Variants in MCIDAS observed in about 807,000 individuals in gnomAD.
MCIDAS encodes the protein multiciliate differentiation and DNA synthesis associated cell cycle protein.
MCIDAS carries 23 observed loss-of-function variants against 35.4 expected under a neutral mutation model. The observed-to-expected ratio is 0.65, with a 90% CI of 0.47 to 0.92. MCIDAS has a LOEUF of 0.92. Ranked by LOEUF, MCIDAS falls within the 40% of genes least tolerant of loss-of-function variation. The pLI is 0.00. For missense variants in MCIDAS, 480 were observed against 531.8 expected (o/e 0.90, Z 0.96); for synonymous variants, 228 against 235.2 (o/e 0.97, Z 0.28).
chr5:55,221,798 G>A (rs1038546338), intron 5 of MCIDAS, among the ~76,000 whole-genome samples: 2 of 151,926 alleles, frequency 1.3e-5, no homozygotes, highest in African/African-American at 4.8e-5. Flanking sequence ...GGTGGCATGC[G>A]CTTGTAATCC....
At position 55,220,458 on chromosome 5, in the gene MCIDAS, T is replaced by C. The variant is rs1745330362; in HGVS notation, c.1066A>G (p.Ser356Gly). 1 of 1,536,072 alleles carries C rather than the reference T, an allele frequency of 6.5e-7. No homozygotes were observed. Among genetic ancestry groups the C allele is most frequent in the Non-Finnish European group, 8.7e-7 (1 of 1,146,902 alleles). The change falls in exon 7 of 7, where the codon AGC becomes GGC. Residue 356 changes from serine (S) to glycine (G), a missense_variant. By Grantham distance (56) the Ser-to-Gly change is moderately conservative. Transcript: ENST00000513312. ...GSFSTRIRSHSTIRTLAFPQG... is the reference protein window; with the variant it reads ...GSFSTRIRSHGTIRTLAFPQG... Reference sequence around the variant, plus strand: ...GGGAAGGCGAGGGTGCGGATGGTGCTGTGGCTGCGGATGCGGGTGCTGAAG... The same window carrying C: ...GGGAAGGCGAGGGTGCGGATGGTGCCGTGGCTGCGGATGCGGGTGCTGAAG...
In MCIDAS at chr5:55,223,376, G is replaced by C. The variant is rs773254217; in HGVS notation, c.310-353C>G. Among the ~76,000 whole-genome samples, 1 of 152,216 alleles carries C rather than the reference G, an allele frequency of 6.6e-6. No individual in the cohort carries two copies. The highest frequency in any genetic ancestry group is 2.4e-5 in the African/African-American group (1 of 41,452). Reference sequence around the variant, plus strand: ...GGAGCACGACACTGACTGGGGGAAGGGGGCAGCAGTTCGCGGCTCCTGCAG... The same window carrying C: ...GGAGCACGACACTGACTGGGGGAAGCGGGCAGCAGTTCGCGGCTCCTGCAG... On this transcript the variant is annotated intron_variant, in intron 3 of 6. Transcript: ENST00000513312. This position sits in a 1 kb window ranked among gnomAD's most constrained non-coding sequence, Gnocchi z 4.4.
chr5:55,220,921 TC>T, intron 6 of MCIDAS, 94 bp downstream of exon 6: 1 of 1,452,360 alleles, frequency 6.9e-7, no homozygotes, highest in Non-Finnish European at 9.2e-7. Flanking sequence ...TACTCTCCTC[TC>T]CCGGGCCCCC....
rs1395692564 is a variant in MCIDAS at position 55,226,588 on chromosome 5, C to T, written c.297G>A (p.Leu99=). The stretch of plus-strand genomic sequence containing the variant: ...GAAGGGGAGGTACCTGCGAGGCGGC[C>T]AGGTCACCACCAGGCGGCGCGTCGG... ...LGSDAPPGGD[L]AASQNHSHQT... is the part of the protein sequence containing the mutation. The change falls in exon 3 of 7, where the codon CTG becomes CTA. Residue 99 remains leucine (L), a synonymous_variant. Coordinates refer to ENST00000513312, the MANE Select transcript of MCIDAS (RefSeq NM_001190787.3). 4.2e-5 allele frequency: 65 copies of T among 1,531,508 alleles called. No homozygotes were observed. Among genetic ancestry groups the T allele is most frequent in the Admixed American group, 1.8e-4 (9 of 50,438 alleles). The allele number at this position is 1,531,508 out of a possible 1,614,324, so 94.9% of individuals were successfully genotyped here.
rs1745467114 is a variant in MCIDAS, at chr5:55,226,909, A to G, written c.143T>C (p.Phe48Ser). Residue 48 changes from phenylalanine (F) to serine (S), a missense_variant, in exon 2 of 7, where the codon TTC (phenylalanine) becomes TCC (serine). Phe to Ser is a radical substitution (Grantham distance 155). Transcript: ENST00000513312. Reference protein sequence around the residue: ...ERKFAPPRKFFPGCTGGSPVS... With the variant: ...ERKFAPPRKFSPGCTGGSPVS... ...CGGGCTCCCGCCTGTGCATCCGGGGAAGAACTTCCGCGGAGGAGCGAACTG... is the reference window on the plus strand; with the variant it reads ...CGGGCTCCCGCCTGTGCATCCGGGGGAGAACTTCCGCGGAGGAGCGAACTG... The G allele has an allele frequency of 1.4e-6, 2 of 1,424,642 alleles. No homozygotes were observed. The highest frequency in any genetic ancestry group is 1.8e-4 in the Middle Eastern group (1 of 5,550). The allele number at this position is 1,424,642 out of a possible 1,614,324, so 88.3% of individuals were successfully genotyped here.
At chr5:55,226,295 G>C (rs1357555733) in intron 3 of MCIDAS, among the ~76,000 whole-genome samples, 1 of 152,188 alleles carries the variant, frequency 6.6e-6, no homozygotes, top group Admixed American at 6.5e-5. Context: ...CAGCTCCAAA[G>C]AGTAGATAGG....
chr5:55,220,765 G>GGCC lies in MCIDAS; in HGVS notation c.756_758dup (p.Ala253dup). On this transcript the variant is annotated inframe_insertion, in exon 7 of 7. Coordinates refer to ENST00000513312, the MANE Select transcript of MCIDAS (RefSeq NM_001190787.3). ...CCTTCGCCTTGAGCAGGAAGGGCTC[G>GGCC]GCCGCCGCCCCACAATCCCGGGACT... 2.0e-6 allele frequency: 3 copies of GGCC among 1,533,892 alleles called. No individual in the cohort carries two copies. The South Asian group carries it at 3.6e-5, about 18-fold the overall frequency.
In MCIDAS at chr5:55,220,716, C is replaced by T. The variant is rs776993993; in HGVS notation, c.808G>A (p.Val270Ile). ...GCGCAATCCTGCCCCGCAGCGCTGACCAACTCCTCCAGGCTCCTTTTGGCC... is the reference window on the plus strand; with the variant it reads ...GCGCAATCCTGCCCCGCAGCGCTGATCAACTCCTCCAGGCTCCTTTTGGCC... ...AKAKRSLEEL[V>I]SAAGQDCAEV... Residue 270 changes from valine to isoleucine, a missense_variant, in exon 7 of 7, where the codon GTC becomes ATC. Transcript: ENST00000513312. 2 of 1,536,038 alleles carry T rather than the reference C, an allele frequency of 1.3e-6. No individual in the cohort carries two copies. Among genetic ancestry groups the T allele is most frequent in the South Asian group, 2.4e-5 (2 of 84,062 alleles).
At chr5:55,221,446 C>G (rs1018558077) in intron 5 of MCIDAS, among the ~76,000 whole-genome samples, 3 of 151,962 alleles carry the variant, frequency 2.0e-5, no homozygotes, top group Admixed American at 1.3e-4. Flanking sequence ...GAGTATCTAG[C>G]TCAATGATTG....
At position 55,223,784 on chromosome 5, in the gene MCIDAS, T is replaced by C. The variant is rs977808322; in HGVS notation, c.310-761A>G. 2.0e-5 allele frequency among the ~76,000 whole-genome samples: 3 copies of C among 152,228 alleles called. No individual in the cohort carries two copies. Among genetic ancestry groups the C allele is most frequent in the African/African-American group, 7.2e-5 (3 of 41,472 alleles). Reference sequence around the variant, plus strand: ...GAGAATACGGGAAAAGCTTCTGTTCTGCGCACAGCCAGTGCGGCCTCCATT... The same window carrying C: ...GAGAATACGGGAAAAGCTTCTGTTCCGCGCACAGCCAGTGCGGCCTCCATT... On this transcript the variant is annotated intron_variant, in intron 3 of 6. Transcript: ENST00000513312. This position sits in a 1 kb window ranked among gnomAD's most constrained non-coding sequence, Gnocchi z 4.4.
chr5:55,222,434 A>G, intron 4 of MCIDAS, 35 bp from the exon 5 acceptor site: 2 of 1,439,046 alleles, frequency 1.4e-6, no homozygotes, highest in Non-Finnish European at 1.8e-6. Flanking sequence ...TGCAGCCTCA[A>G]ATTCATGCCC....
At chr5:55,220,908 C>T in intron 6 of MCIDAS, 102 bp from the exon 7 acceptor site, 1 of 1,444,200 alleles carries the variant, frequency 6.9e-7, no homozygotes, top group Non-Finnish European at 9.3e-7. Flanking sequence ...ACGCACTCAG[C>T]GGTACTCTCC....
chr5:55,226,264 T>G lies in MCIDAS; in HGVS notation c.309+312A>C, dbSNP rs535965241. ...TTTGCTCCCACCCACCCGCCTGGTC[T>G]CTCAGTGCGCAATCTTGTCACAGCT... On this transcript the variant is annotated intron_variant, in intron 3 of 6. Coordinates refer to ENST00000513312, the MANE Select transcript of MCIDAS (RefSeq NM_001190787.3). Among the ~76,000 whole-genome samples, 4 of 152,274 alleles carry G rather than the reference T, an allele frequency of 2.6e-5. No homozygotes were observed. The South Asian group carries it at 8.3e-4, about 32-fold the overall frequency.
Position 55,220,651 on chromosome 5 carries a change from G to T in MCIDAS, c.873C>A (p.Cys291Ter). 6.5e-7 allele frequency: 1 copy of T among 1,536,108 alleles called. No individual in the cohort carries two copies. Among genetic ancestry groups the T allele is most frequent in the Non-Finnish European group, 8.7e-7 (1 of 1,146,890 alleles). ...GATCGCGGCTCTGAAGGGCTTCATC[G>T]CAGCGCTCGGAAATCTCCCTCAGGA... is the stretch of plus-strand genomic sequence containing the variant. ...DAILREISER[C>*]DEALQSRDPK... Residue 291 changes from cysteine (C) to a stop codon, truncating the protein, a stop_gained, in exon 7 of 7, where the codon TGC (cysteine) becomes TGA (stop). Coordinates refer to ENST00000513312, the MANE Select transcript of MCIDAS (RefSeq NM_001190787.3). LOFTEE classifies it high-confidence loss of function.
At position 55,220,561 on chromosome 5, in the gene MCIDAS, G is replaced by T; in HGVS notation, c.963C>A (p.Gly321=). ...NTDTRPGNLH[G]AFRGLRTDCS... Reference sequence around the variant, plus strand: ...AGTCTGTGCGCAGCCCCCGGAAGGCGCCATGCAGGTTCCCGGGCCTGGTGT... The same window carrying T: ...AGTCTGTGCGCAGCCCCCGGAAGGCTCCATGCAGGTTCCCGGGCCTGGTGT... The change falls in exon 7 of 7, where the codon GGC becomes GGA. Residue 321 remains glycine (G), a synonymous_variant. Coordinates refer to ENST00000513312, the MANE Select transcript of MCIDAS (RefSeq NM_001190787.3). 6.5e-7 allele frequency: 1 copy of T among 1,536,056 alleles called. No homozygotes were observed. Among genetic ancestry groups the T allele is most frequent in the Non-Finnish European group, 8.7e-7 (1 of 1,146,864 alleles).
rs1220983264 is a variant in MCIDAS at position 55,226,685 on chromosome 5, G to A, written c.218-18C>T. The A allele has an allele frequency of 1.4e-6, 2 of 1,479,182 alleles. No homozygotes were observed. Among genetic ancestry groups the A allele is most frequent in the Non-Finnish European group, 8.9e-7 (1 of 1,121,052 alleles). The allele number at this position is 1,479,182 out of a possible 1,614,324, so 91.6% of individuals were successfully genotyped here. ...GGTGAGGGCTGCGCGGGGAGACCGG[G>A]AGACACGCGCCGGGCGGGCCCTGAG... On this transcript the variant is annotated intron_variant, in intron 2 of 6. Coordinates refer to ENST00000513312, the MANE Select transcript of MCIDAS (RefSeq NM_001190787.3).
At chr5:55,226,389 T>A (rs1312152233) in intron 3 of MCIDAS, among the ~76,000 whole-genome samples, 187 bp downstream of exon 3, 1 of 152,200 alleles carries the variant, frequency 6.6e-6, no homozygotes, top group Non-Finnish European at 1.5e-5. Flanking sequence ...GTGGTCTTCA[T>A]AACATACTAG....
At position 55,223,104 on chromosome 5, in the gene MCIDAS, A is replaced by T. The variant is rs1486983332; in HGVS notation, c.310-81T>A. The stretch of plus-strand genomic sequence containing the variant: ...AATAAATATTGGCGTCCCTGTTAAA[A>T]ATCTGGCAGGCACTATGCAATATAT... On this transcript the variant is annotated intron_variant, in intron 3 of 6. Transcript: ENST00000513312. This position sits in a 1 kb window ranked among gnomAD's most constrained non-coding sequence, Gnocchi z 4.4. 8.4e-7 allele frequency: 1 copy of T among 1,184,904 alleles called. No homozygotes were observed. Among genetic ancestry groups the T allele is most frequent in the East Asian group, 2.5e-5 (1 of 39,242 alleles). 73.4% of individuals were successfully genotyped at this position (1,184,904 alleles called of 1,614,324 possible).
chr5:55,226,945 C>A lies in MCIDAS; in HGVS notation c.121-14G>T, dbSNP rs1745468103. The stretch of plus-strand genomic sequence containing the variant: ...CGGAGGAGCGAACTGGCCGGGCACA[C>A]AAACGTTGAACGCGGGTCAGCCCTC... On this transcript the variant is annotated splice_polypyrimidine_tract_variant and intron_variant, in intron 1 of 6. Coordinates refer to ENST00000513312, the MANE Select transcript of MCIDAS (RefSeq NM_001190787.3). The A allele has an allele frequency of 6.8e-7, 1 of 1,473,362 alleles. No homozygotes were observed. Among genetic ancestry groups the A allele is most frequent in the Non-Finnish European group, 8.9e-7 (1 of 1,120,626 alleles). 91.3% of individuals were successfully genotyped at this position (1,473,362 alleles called of 1,614,324 possible). A position where few individuals can be genotyped will look rare whatever the true frequency, so the allele number is the denominator to read the frequency against.
Sources: gnomAD v4.1 joint callset for allele counts (sites outside exome capture counted in the v4.1 genomes callset) on GRCh38, gnomAD v4.1.1 for gene constraint, Gnocchi (gnomAD v3.1) non-coding constraint, MANE v1.5 for transcripts, NCBI Gene and HGNC (gene_info 2026-07-23, HGNC 2026-07-21) for gene names.